NRXN3: variants seen among roughly 807,000 people sequenced by gnomAD.
NRXN3 encodes the protein neurexin III.
In NRXN3, 32 loss-of-function variants were observed where a neutral mutation model predicts 137.6. The ratio of observed to expected loss-of-function variants is 0.23; its 90% CI spans 0.18 to 0.31. The LOEUF (loss-of-function observed/expected upper bound fraction) is 0.31, where lower values mean the gene tolerates loss of function less well. NRXN3 is among the 10% of genes least tolerant of loss of function. The pLI is 1.00. For synonymous variants in NRXN3, 798 were observed against 784.5 expected, an observed-to-expected ratio of 1.02 and a Z score of -0.29; for missense variants, 1,574 against 2,062.5, an observed-to-expected ratio of 0.76 and a Z score of 4.59.
chr14:79,282,506 T>G (rs990926330), intron 15 of NRXN3, among the ~76,000 whole-genome samples: 2 of 152,122 alleles, frequency 1.3e-5, no homozygotes, highest in Admixed American at 6.5e-5. Flanking sequence ...TCTCTCTCTC[T>G]CTCTCTCTCA....
At chr14:78,396,458 A>G (rs2091466690) in intron 4 of NRXN3, among the ~76,000 whole-genome samples, 1 of 152,094 alleles carries the variant, frequency 6.6e-6, no homozygotes, top group Non-Finnish European at 1.5e-5. Context: ...TTTCTCTTTT[A>G]AAAAGTCATT....
chr14:78,765,333 A>G (rs1312288627), intron 8 of NRXN3, among the ~76,000 whole-genome samples: 1 of 152,040 alleles, frequency 6.6e-6, no homozygotes, highest in East Asian at 1.9e-4. Flanking sequence ...TTCTATTTTT[A>G]GTAGACATGG....
intron 15 of NRXN3, among the ~76,000 whole-genome samples, chr14:79,459,442 A>C (rs964028475): frequency 1.3e-5 from 2 of 152,038 alleles, no homozygotes; most frequent in Non-Finnish European, 2.9e-5. Flanking sequence ...TAGGGCATAG[A>C]TTGGTACAAA....
intron 15 of NRXN3, among the ~76,000 whole-genome samples, chr14:79,440,488 C>A (rs933443471): frequency 6.6e-6 from 1 of 152,150 alleles, no homozygotes; most frequent in Non-Finnish European, 1.5e-5. Context: ...TAATCCATCT[C>A]TTCCTACCCC....
chr14:79,658,590 A>G (rs113671537), intron 16 of NRXN3, among the ~76,000 whole-genome samples: 84 of 152,314 alleles, frequency 5.5e-4, no homozygotes, highest in African/African-American at 1.9e-3. Flanking sequence ...AACGAGACCC[A>G]AAAGTCCTCT....
Position 79,234,293 on chromosome 14 carries a change from AATATATATATATATATATATATATAT to A in NRXN3, c.3263-232906_3263-232881del, listed in dbSNP as rs71131687. ...AAATCAGGGAACATATTCAATGGTA[AATATATATATATATATATATATATAT>A]ATATATATATATATATATATAATAT... On this transcript the variant is annotated intron_variant, in intron 15 of 20. Transcript: ENST00000335750. Among the ~76,000 whole-genome samples the A allele has an allele frequency of 3.1e-3, 173 of 56,194 alleles. 2 individuals are homozygous for A. Among genetic ancestry groups the A allele is most frequent in the Admixed American group, 4.4e-3 (16 of 3,610 alleles). The allele number at this position is 56,194 out of a possible 152,430, so 36.9% of individuals were successfully genotyped here.
intron 9 of NRXN3, among the ~76,000 whole-genome samples, chr14:78,808,452 CCTCT>C (rs1307061492): frequency 6.6e-6 from 1 of 152,080 alleles, no homozygotes; most frequent in Admixed American, 6.6e-5. Context: ...ACACCAGTTT[CCTCT>C]CTCTCTTTAA....
chr14:78,822,511 C>T (rs2098953554), intron 10 of NRXN3, among the ~76,000 whole-genome samples: 1 of 151,738 alleles, frequency 6.6e-6, no homozygotes, highest in Admixed American at 6.6e-5. Flanking sequence ...CCTGTCTCTG[C>T]TAAAAATACA....
At chr14:78,261,655 G>A (rs2070742268) in intron 2 of NRXN3, among the ~76,000 whole-genome samples, 1 of 152,102 alleles carries the variant, frequency 6.6e-6, no homozygotes, top group African/African-American at 2.4e-5. Context: ...CCCAACTCAT[G>A]CATTTTATTG....
intron 2 of NRXN3, among the ~76,000 whole-genome samples, chr14:78,267,412 C>A (rs1306061306): frequency 1.3e-5 from 2 of 152,160 alleles, no homozygotes; most frequent in African/African-American, 4.8e-5. Flanking sequence ...AATTCCTCAG[C>A]TAGGTACAGT....
chr14:78,985,778 C>T (rs1196345286), intron 14 of NRXN3, among the ~76,000 whole-genome samples: 1 of 152,186 alleles, frequency 6.6e-6, no homozygotes, highest in Non-Finnish European at 1.5e-5. Flanking sequence ...GTGGACTTCT[C>T]AGAAGCTTTT....
rs867344016 is a variant in NRXN3, at chr14:78,234,040, G to T, written c.-703-8351G>T. Among the ~76,000 whole-genome samples, 6 of 152,302 alleles carry T rather than the reference G, an allele frequency of 3.9e-5. No individual in the cohort carries two copies. The South Asian group carries it at 1.2e-3, about 32-fold the overall frequency. On this transcript the variant is annotated intron_variant, in intron 1 of 20. Transcript: ENST00000335750. Reference sequence around the variant, plus strand: ...CAAGCTGTTCTCCTGATAGTGAGTAGGTCTCATGAGATATGATGGTTTTAT... The same window carrying T: ...CAAGCTGTTCTCCTGATAGTGAGTATGTCTCATGAGATATGATGGTTTTAT...
In NRXN3 at chr14:78,370,921, A is replaced by G. The variant is rs536026828; in HGVS notation, c.757+73061A>G. ...AATGAAAGAATTAATTCATCAAACT[A>G]CAGAGTACCTGTGTGATACTAGTGT... On this transcript the variant is annotated intron_variant, in intron 4 of 20. Transcript: ENST00000335750. 3.9e-5 allele frequency among the ~76,000 whole-genome samples: 6 copies of G among 152,360 alleles called. No individual in the cohort carries two copies. In the South Asian group the frequency reaches 1.0e-3, roughly 26 times the overall value.
intron 19 of NRXN3, among the ~76,000 whole-genome samples, chr14:79,728,098 G>T (rs2098902701): frequency 6.6e-6 from 1 of 152,180 alleles, no homozygotes; most frequent in African/African-American, 2.4e-5. Flanking sequence ...GACTTCTGTT[G>T]CTAGGGTAGA....
At chr14:79,122,419 T>C (rs992217606) in intron 15 of NRXN3, among the ~76,000 whole-genome samples, 2 of 152,184 alleles carry the variant, frequency 1.3e-5, no homozygotes, top group African/African-American at 4.8e-5. Context: ...TGGGAGAATT[T>C]CCTCTCAGTG....
chr14:79,259,434 C>T (rs1413376352), intron 15 of NRXN3, among the ~76,000 whole-genome samples: 1 of 151,838 alleles, frequency 6.6e-6, no homozygotes, highest in East Asian at 1.9e-4. Flanking sequence ...GTCAGCATTT[C>T]TCTAGTGTTT....
At chr14:78,587,199 TA>T (rs1009321101) in intron 4 of NRXN3, among the ~76,000 whole-genome samples, 1 of 152,224 alleles carries the variant, frequency 6.6e-6, no homozygotes, top group African/African-American at 2.4e-5. Context: ...GGGAATGTCA[TA>T]AAAGAGAATT....
intron 4 of NRXN3, among the ~76,000 whole-genome samples, chr14:78,489,426 G>A (rs1477021638): frequency 6.6e-6 from 1 of 152,126 alleles, no homozygotes; most frequent in Non-Finnish European, 1.5e-5. Flanking sequence ...AGTGTGCCCT[G>A]TGGATGTGCA....
intron 15 of NRXN3, among the ~76,000 whole-genome samples, chr14:79,157,219 GAT>G (rs1400000950): frequency 6.6e-6 from 1 of 151,718 alleles, no homozygotes; most frequent in African/African-American, 2.4e-5. Context: ...ATAGCAGTGA[GAT>G]ATAAAAATGA....
Sources: allele counts gnomAD v4.1 joint callset (sites outside exome capture counted in the v4.1 genomes callset), GRCh38; gene constraint gnomAD v4.1.1; transcripts MANE v1.5; gene names NCBI Gene and HGNC (gene_info 2026-07-23, HGNC 2026-07-21).